The following SUPT3H variants were observed in gnomAD, a reference collection of about 807,000 sequenced individuals.
SUPT3H encodes the protein SPT3 homolog, SAGA and STAGA complex component, also known as transcription initiation protein SPT3 homolog.
Under a neutral mutation model 44.3 loss-of-function variants are expected in SUPT3H, and 44 were observed. The ratio of observed to expected loss-of-function variants is 0.99; its 90% CI spans 0.78 to 1.28. The LOEUF (loss-of-function observed/expected upper bound fraction) is 1.28, where lower values mean the gene tolerates loss of function less well. Among genes scored for constraint, SUPT3H ranks in the 50% most tolerant of loss-of-function variants. The pLI, the probability that SUPT3H is intolerant of heterozygous loss-of-function variation, is 0.00. For missense variants in SUPT3H, 380 were observed against 387.1 expected (o/e 0.98, Z 0.15); for synonymous variants, 124 against 125.6 (o/e 0.99, Z 0.09).
intron 10 of SUPT3H, among the ~76,000 whole-genome samples, chr6:44,922,735 G>A (rs542312211): frequency 7.1e-4 from 108 of 152,134 alleles, no homozygotes; most frequent in African/African-American, 2.5e-3. Context: ...GTCAACATGA[G>A]CAACTTAATG....
At chr6:45,283,319 G>C (rs1348423477) in intron 2 of SUPT3H, among the ~76,000 whole-genome samples, 4 of 152,112 alleles carry the variant, frequency 2.6e-5, no homozygotes, top group African/African-American at 9.7e-5. Flanking sequence ...AGACCCATCA[G>C]TGTGCTGTAT....
At chr6:45,339,716 C>T (rs1789361102) in intron 2 of SUPT3H, among the ~76,000 whole-genome samples, 1 of 151,962 alleles carries the variant, frequency 6.6e-6, no homozygotes. Flanking sequence ...CAATCTAATC[C>T]AAAACTTTAT....
chr6:44,993,496 A>C (rs1780871132), intron 6 of SUPT3H, among the ~76,000 whole-genome samples: 1 of 152,110 alleles, frequency 6.6e-6, no homozygotes, highest in Non-Finnish European at 1.5e-5. Flanking sequence ...GACAACAAAT[A>C]CACAATTCTT....
At chr6:45,329,073 A>G (rs140693330) in intron 2 of SUPT3H, among the ~76,000 whole-genome samples, 176 of 152,126 alleles carry the variant, frequency 1.2e-3, no homozygotes, top group African/African-American at 4.0e-3. Context: ...ACAGTAAAAG[A>G]AACAGTTTAA....
chr6:44,817,506 A>G lies in SUPT3H; in HGVS notation c.*53-8005T>C, dbSNP rs1766991205. Among the ~76,000 whole-genome samples, 3 of 152,096 alleles carry G rather than the reference A, an allele frequency of 2.0e-5. No homozygotes were observed. The South Asian group carries it at 6.2e-4, about 31-fold the overall frequency. On this transcript the variant is annotated intron_variant and NMD_transcript_variant, in intron 11 of 11. Transcript: ENST00000475057. ...AATAAGACATGAAGAAGAAATAAAAACCATACAGATTAGAAAGAAAAAAAA... is the reference window on the plus strand; with the variant it reads ...AATAAGACATGAAGAAGAAATAAAAGCCATACAGATTAGAAAGAAAAAAAA...
At chr6:44,833,072 C>A (rs1231571598) in intron 10 of SUPT3H, among the ~76,000 whole-genome samples, 1 of 152,048 alleles carries the variant, frequency 6.6e-6, no homozygotes, top group Non-Finnish European at 1.5e-5. Context: ...ATTATGTTTG[C>A]CATTAGCCTA....
chr6:45,090,301 C>A (rs780953603), intron 3 of SUPT3H, among the ~76,000 whole-genome samples: 6 of 152,024 alleles, frequency 3.9e-5, no homozygotes, highest in African/African-American at 9.7e-5. Flanking sequence ...TTATTAATTA[C>A]CATTCTCTCT....
intron 6 of SUPT3H, 50 bp downstream of exon 6, chr6:45,003,603 G>C (rs1168022694): frequency 1.3e-6 from 2 of 1,589,324 alleles, no homozygotes; most frequent in Non-Finnish European, 8.6e-7. Context: ...AACAGCATAG[G>C]CACTGCAATG....
chr6:45,066,310 T>C (rs930304968), intron 3 of SUPT3H, among the ~76,000 whole-genome samples: 3 of 150,720 alleles, frequency 2.0e-5, no homozygotes, highest in African/African-American at 7.4e-5. Flanking sequence ...TGGGACGTAT[T>C]TCAAAATAAT....
chr6:45,158,298 A>ATATTTTTTTTT, intron 2 of SUPT3H, among the ~76,000 whole-genome samples: 6 of 99,694 alleles, frequency 6.0e-5, no homozygotes, highest in African/African-American at 3.0e-4. Flanking sequence ...ATATATATAT[A>ATATTTTTTTTT]TTTTTTTTTT....
In SUPT3H at chr6:45,086,048, A is replaced by C. The variant is rs543524075; in HGVS notation, c.186+19874T>G. Among the ~76,000 whole-genome samples, 70 of 152,218 alleles carry C rather than the reference A, an allele frequency of 4.6e-4. No homozygotes were observed. In the South Asian group the frequency reaches 7.5e-3, roughly 16 times the overall value. On this transcript the variant is annotated intron_variant, in intron 3 of 10. Transcript: ENST00000371459. ...AAAGTCAAACACTGAAGGTTGCAGG[A>C]GTTCTATCAGAAATTACTTGAAACT... is the stretch of plus-strand genomic sequence containing the variant.
intron 9 of SUPT3H, among the ~76,000 whole-genome samples, chr6:44,933,011 T>C (rs990458348): frequency 6.6e-6 from 1 of 152,124 alleles, no homozygotes; most frequent in Non-Finnish European, 1.5e-5. Flanking sequence ...TAAGCCTGCA[T>C]GTCAAGACAC....
chr6:45,230,662 CTATATATATATAT>C lies in SUPT3H; in HGVS notation c.102-124669_102-124657del, dbSNP rs1767817213. On this transcript the variant is annotated intron_variant, in intron 2 of 10. Coordinates refer to ENST00000371459, the MANE Select transcript of SUPT3H (RefSeq NM_003599.4). ...AAATCATGTTTTAAATTCATTCAGT[CTATATATATATAT>C]ATATATATATATTTTTGAGATGGAG... is the stretch of plus-strand genomic sequence containing the variant. Among the ~76,000 whole-genome samples the C allele has an allele frequency of 4.8e-4, 33 of 68,744 alleles. 5 individuals are homozygous for C. The highest frequency in any genetic ancestry group is 1.9e-3 in the South Asian group (3 of 1,568). 45.1% of individuals were successfully genotyped at this position (68,744 alleles called of 152,430 possible).
chr6:44,871,001 C>T (rs915014649), intron 10 of SUPT3H, among the ~76,000 whole-genome samples: 1 of 150,876 alleles, frequency 6.6e-6, no homozygotes, highest in African/African-American at 2.4e-5. Context: ...GGTCCTATGC[C>T]CACGGAATCT....
chr6:45,325,781 T>C (rs1482874698), intron 2 of SUPT3H, among the ~76,000 whole-genome samples: 1 of 151,932 alleles, frequency 6.6e-6, no homozygotes, highest in Non-Finnish European at 1.5e-5. Flanking sequence ...CTATTTCTAA[T>C]GAAACACACT....
intron 10 of SUPT3H, among the ~76,000 whole-genome samples, chr6:44,883,379 CACAA>C (rs1292933753): frequency 1.3e-5 from 2 of 152,024 alleles, no homozygotes; most frequent in East Asian, 3.9e-4. Context: ...TAAGAGAGGA[CACAA>C]ACAAATGGAA....
intron 2 of SUPT3H, among the ~76,000 whole-genome samples, chr6:45,294,584 C>A (rs1020698488): frequency 2.0e-5 from 3 of 151,838 alleles, no homozygotes; most frequent in African/African-American, 4.8e-5. Context: ...AACCCTAAAG[C>A]CTCCTCCAGA....
intron 1 of SUPT3H, among the ~76,000 whole-genome samples, chr6:45,371,394 C>CT (rs560509544): frequency 0.24 from 33,591 of 138,772 alleles, 4,231 homozygotes; most frequent in Non-Finnish European, 0.3. Context: ...TATTAGCTCA[C>CT]TTTTTTTTTT....
chr6:45,070,645 G>C (rs1217900017), intron 3 of SUPT3H, among the ~76,000 whole-genome samples: 3 of 142,154 alleles, frequency 2.1e-5, no homozygotes, highest in African/African-American at 7.8e-5. Context: ...TGAGGCAGGA[G>C]AATCACTTGA....
Sources: allele counts gnomAD v4.1 joint callset (sites outside exome capture counted in the v4.1 genomes callset), GRCh38; gene constraint gnomAD v4.1.1; transcripts MANE v1.5; gene names NCBI Gene and HGNC (gene_info 2026-07-23, HGNC 2026-07-21).